The following MMP12 variants were observed in gnomAD, a reference collection of about 807,000 sequenced individuals.
The protein encoded by MMP12 is matrix metallopeptidase 12, also known as macrophage metalloelastase.
Under a neutral mutation model 45.2 loss-of-function variants are expected in MMP12, and 51 were observed. That is an observed-to-expected ratio of 1.13 (90% CI 0.90 to 1.42). The LOEUF is 1.42. MMP12 is among the 40% of genes most tolerant of loss of function. The pLI is 0.00. For missense variants in MMP12, 530 were observed against 570.8 expected (o/e 0.93, Z 0.73); for synonymous variants, 210 against 193.3 (o/e 1.09, Z -0.72).
intron 4 of MMP12, 109 bp from the exon 5 acceptor site, chr11:102,868,178 T>C: frequency 9.9e-7 from 1 of 1,014,104 alleles, no homozygotes; most frequent in Non-Finnish European, 1.4e-6. Flanking sequence ...TTTACTTATT[T>C]CTTTACCCTT....
intron 8 of MMP12, among the ~76,000 whole-genome samples, chr11:102,864,859 G>A (rs1180978127): frequency 6.6e-6 from 1 of 152,156 alleles, no homozygotes; most frequent in Admixed American, 6.5e-5. Flanking sequence ...GGTTCTCTAA[G>A]TATTTATGGC....
At chr11:102,867,203 T>G (rs1247541123) in intron 6 of MMP12, 67 bp downstream of exon 6, 4 of 1,380,368 alleles carry the variant, frequency 2.9e-6, no homozygotes, top group Non-Finnish European at 3.9e-6. Context: ...TATTTTCCAC[T>G]GTTTTCTGAC....
chr11:102,864,759 C>A (rs28381692), intron 8 of MMP12, among the ~76,000 whole-genome samples: 1,996 of 152,312 alleles, frequency 0.013, 26 homozygotes, highest in Non-Finnish European at 0.018. Context: ...CTCTTAAATT[C>A]TCTTTTACCA....
chr11:102,873,826 T>C (rs549009642), intron 1 of MMP12, among the ~76,000 whole-genome samples: 3 of 151,834 alleles, frequency 2.0e-5, no homozygotes, highest in African/African-American at 7.2e-5. Flanking sequence ...CCCCAGAGTT[T>C]GAGACCAGCC....
At chr11:102,872,181 T>C (rs1478476148) in intron 2 of MMP12, among the ~76,000 whole-genome samples, 1 of 152,226 alleles carries the variant, frequency 6.6e-6, no homozygotes, top group Non-Finnish European at 1.5e-5. Flanking sequence ...AGATCATCAC[T>C]GTGAAGGATT....
In MMP12 at chr11:102,863,059, A is replaced by C; in HGVS notation, c.*41T>G. The C allele has an allele frequency of 1.5e-6, 2 of 1,294,478 alleles. No homozygotes were observed. The highest frequency in any genetic ancestry group is 2.2e-6 in the Non-Finnish European group (2 of 902,444). The allele number at this position is 1,294,478 out of a possible 1,614,324, so 80.2% of individuals were successfully genotyped here. A position where few individuals can be genotyped will look rare whatever the true frequency, so the allele number is the denominator to read the frequency against. ...AGCAAATATGCAATAAATACTTATT[A>C]AGCTGAAGTGAACTAACAAAAACCA... is the stretch of plus-strand genomic sequence containing the variant. On this transcript the variant is annotated 3_prime_UTR_variant, in exon 10 of 10. Coordinates refer to ENST00000571244, the MANE Select transcript of MMP12 (RefSeq NM_002426.6).
At position 102,871,610 on chromosome 11, in the gene MMP12, C is replaced by T. The variant is rs1555009337; in HGVS notation, c.609G>A (p.Trp203Ter). Residue 203 changes from tryptophan to a stop codon, truncating the protein, a stop_gained, in exon 4 of 10, where the codon TGG becomes TGA. Coordinates refer to ENST00000571244, the MANE Select transcript of MMP12 (RefSeq NM_002426.6). LOFTEE classifies it high-confidence loss of function. ...TTTGCCCACCTCCTGAATGTGTAGT[C>T]CAGAATTCGTCCTCATCGAAATGTG... ...GDAHFDEDEF[W>*]TTHSGGTNLF... 1 of 1,555,146 alleles carries T rather than the reference C, an allele frequency of 6.4e-7. No individual in the cohort carries two copies. Among genetic ancestry groups the T allele is most frequent in the Non-Finnish European group, 8.7e-7 (1 of 1,148,600 alleles).
rs200319307 is a variant in MMP12, at chr11:102,874,910, G to A, written c.28C>T (p.Gln10Ter). 22 of 1,602,708 alleles carry A rather than the reference G, an allele frequency of 1.4e-5. No homozygotes were observed. ...GGAAGAGCTCCAGAAGCAGTGGCCT[G>A]CAGGAGCAGTATTAGAAGAAACTTC... The part of the protein sequence containing the change: MKFLLILLL[Q>*]ATASGALPLN... The change falls in exon 1 of 10, where the codon CAG (glutamine) becomes TAG (stop). Residue 10 changes from glutamine (Q) to a stop codon, truncating the protein, a stop_gained. Transcript: ENST00000571244. LOFTEE classifies it high-confidence loss of function.
Position 102,865,508 on chromosome 11 carries a change from T to A in MMP12, c.1205+268A>T, listed in dbSNP as rs1405619503. ...ACATCTATGACACTATTTTCCAATG[T>A]GTTTCCACTATGATTAATAAGATGA... On this transcript the variant is annotated intron_variant, in intron 8 of 9. Coordinates refer to ENST00000571244, the MANE Select transcript of MMP12 (RefSeq NM_002426.6). This position sits in a 1 kb window ranked among gnomAD's most constrained non-coding sequence, Gnocchi z 4.1. Among the ~76,000 whole-genome samples, 1 of 152,218 alleles carries A rather than the reference T, an allele frequency of 6.6e-6. No homozygotes were observed. The highest frequency in any genetic ancestry group is 1.5e-5 in the Non-Finnish European group (1 of 68,044).
intron 8 of MMP12, among the ~76,000 whole-genome samples, chr11:102,864,632 T>C (rs1185121544): frequency 1.3e-5 from 2 of 152,168 alleles, no homozygotes; most frequent in East Asian, 1.9e-4. Context: ...CCCAAGAAGA[T>C]AATAAACAGG....
At chr11:102,866,289 A>G (rs868942147) in intron 7 of MMP12, 26 bp downstream of exon 7, 2 of 1,547,356 alleles carry the variant, frequency 1.3e-6, no homozygotes, top group South Asian at 1.2e-5. Context: ...AGTAAACTCA[A>G]TGGCAAAACT....
Position 102,871,654 on chromosome 11 carries a change from A to T in MMP12, c.565T>A (p.Ser189Thr), listed in dbSNP as rs1859498508. ...AAATGTGCATCCCCTCCAATGCCAG[A>T]TCCAGGTCCAAAAGCATGGGCTAGG... ...GILAHAFGPG[S>T]GIGGDAHFDE... Residue 189 changes from serine (S) to threonine (T), a missense_variant, in exon 4 of 10, where the codon TCT becomes ACT. Transcript: ENST00000571244. 1 of 1,589,020 alleles carries T rather than the reference A, an allele frequency of 6.3e-7. No homozygotes were observed. The highest frequency in any genetic ancestry group is 8.6e-7 in the Non-Finnish European group (1 of 1,166,466).
chr11:102,863,444 A>G (rs2134415849), intron 9 of MMP12, among the ~76,000 whole-genome samples: 1 of 152,220 alleles, frequency 6.6e-6, no homozygotes, highest in Non-Finnish European at 1.5e-5. Context: ...AATAACAAAT[A>G]AAAAATAAGA....
intron 4 of MMP12, 72 bp from the exon 5 acceptor site, chr11:102,868,141 C>G (rs1307438766): frequency 2.4e-6 from 3 of 1,274,166 alleles, no homozygotes; most frequent in African/African-American, 3.0e-5. Context: ...ATATCTGACA[C>G]AGTGAAAAAG....
rs782405760 is a variant in MMP12 at position 102,871,634 on chromosome 11, T to G, written c.585A>C (p.Ala195=). The change falls in exon 4 of 10, where the codon GCA becomes GCC. Residue 195 remains alanine (A), a synonymous_variant. Transcript: ENST00000571244. ...FGPGSGIGGD[A]HFDEDEFWTT... ...TCCAGAATTCGTCCTCATCGAAATG[T>G]GCATCCCCTCCAATGCCAGATCCAG... is the stretch of plus-strand genomic sequence containing the variant. 3.2e-6 allele frequency: 5 copies of G among 1,569,634 alleles called. No homozygotes were observed. In the East Asian group the frequency reaches 1.2e-4, roughly 37 times the overall value.
intron 4 of MMP12, 97 bp from the exon 5 acceptor site, chr11:102,868,166 C>A (rs1372106104): frequency 2.7e-6 from 3 of 1,112,648 alleles, no homozygotes; most frequent in Non-Finnish European, 3.8e-6. Flanking sequence ...ATTTGAGAAT[C>A]TTTTACTTAT....
Position 102,865,760 on chromosome 11 carries a change from A to G in MMP12, c.1205+16T>C, listed in dbSNP as rs1859372979. 1 of 1,595,932 alleles carries G rather than the reference A, an allele frequency of 6.3e-7. No individual in the cohort carries two copies. The highest frequency in any genetic ancestry group is 8.5e-7 in the Non-Finnish European group (1 of 1,170,070). On this transcript the variant is annotated intron_variant, in intron 8 of 9. Coordinates refer to ENST00000571244, the MANE Select transcript of MMP12 (RefSeq NM_002426.6). The surrounding 1 kb of genome is among the most constrained non-coding windows in gnomAD (Gnocchi z 4.1). Reference sequence around the variant, plus strand: ...TCACAATCTGAGGGGTCGAATGACCAACCATTAAAACTCACCTCCAATACT... The same window carrying G: ...TCACAATCTGAGGGGTCGAATGACCGACCATTAAAACTCACCTCCAATACT...
At position 102,867,320 on chromosome 11, in the gene MMP12, A is replaced by G; in HGVS notation, c.861T>C (p.Ser287=). Residue 287 remains serine (S), a synonymous_variant, in exon 6 of 10, where the codon AGT becomes AGC. Transcript: ENST00000571244. The stretch of plus-strand genomic sequence containing the variant: ...TTCCCACGGTAGTGACAGCATCAAA[A>G]CTCAAATTGGGGTCACAGAGAGCTG... ...SEPALCDPNL[S]FDAVTTVGNK... 3 of 1,610,618 alleles carry G rather than the reference A, an allele frequency of 1.9e-6. No individual in the cohort carries two copies. Among genetic ancestry groups the G allele is most frequent in the Non-Finnish European group, 2.5e-6 (3 of 1,178,324 alleles).
At chr11:102,868,633 C>A (rs782357646) in intron 4 of MMP12, among the ~76,000 whole-genome samples, 2 of 152,086 alleles carry the variant, frequency 1.3e-5, no homozygotes, top group Non-Finnish European at 2.9e-5. Flanking sequence ...AGAAATGTAA[C>A]ACATTATGTC....
Sources: gnomAD v4.1 joint callset for allele counts (sites outside exome capture counted in the v4.1 genomes callset) on GRCh38, gnomAD v4.1.1 for gene constraint, Gnocchi (gnomAD v3.1) non-coding constraint, MANE v1.5 for transcripts, NCBI Gene and HGNC (gene_info 2026-07-23, HGNC 2026-07-21) for gene names.